Variants in CHL1 observed in about 807,000 individuals in gnomAD.
The protein encoded by CHL1 is cell adhesion molecule L1 like.
Under a neutral mutation model 141.9 loss-of-function variants are expected in CHL1, and 96 were observed. That is an observed-to-expected ratio of 0.68 (90% CI 0.57 to 0.80). CHL1 has a LOEUF of 0.80. Ranked by LOEUF, CHL1 falls within the 30% of genes least tolerant of loss-of-function variation. The pLI is 0.00. For missense variants in CHL1, 1,820 were observed against 1,457.2 expected (o/e 1.25, Z -4.05); for synonymous variants, 613 against 502.2 (o/e 1.22, Z -2.95).
At chr3:382,792 C>G (rs1201853102) in intron 18 of CHL1, 121 bp downstream of exon 18, 2 of 854,066 alleles carry the variant, frequency 2.3e-6, no homozygotes, top group East Asian at 5.3e-5. Context: ...ATAGTGTTAA[C>G]AGTTCTCTAA....
At chr3:369,398 C>T (rs1248798826) in intron 15 of CHL1, among the ~76,000 whole-genome samples, 1 of 151,988 alleles carries the variant, frequency 6.6e-6, no homozygotes, top group Non-Finnish European at 1.5e-5. Context: ...TGGCTCTCTG[C>T]TGGTCTATTG....
intron 1 of CHL1, among the ~76,000 whole-genome samples, chr3:198,549 A>G (rs747714877): frequency 5.3e-5 from 8 of 152,190 alleles, no homozygotes; most frequent in Non-Finnish European, 1.2e-4. Context: ...CCCTTTCTCA[A>G]TAATACGGAG....
chr3:242,475 A>G (rs1421890280), intron 1 of CHL1, among the ~76,000 whole-genome samples: 21 of 151,192 alleles, frequency 1.4e-4, no homozygotes, highest in Middle Eastern at 3.4e-3. Flanking sequence ...GGGCGCCTGT[A>G]GTCCCAGCTA....
intron 2 of CHL1, among the ~76,000 whole-genome samples, chr3:276,399 A>C (rs1405778523): frequency 6.6e-6 from 1 of 152,126 alleles, no homozygotes; most frequent in Non-Finnish European, 1.5e-5. Flanking sequence ...GAAACTGCAG[A>C]GTTTAGCCTG....
intron 1 of CHL1, chr3:198,061 G>C (rs1317052318): frequency 3.3e-6 from 1 of 299,522 alleles, no homozygotes; most frequent in Non-Finnish European, 6.7e-6. Context: ...GAAAAACCAC[G>C]GGCCGGAGGA....
At chr3:301,736 C>G (rs186592278) in intron 2 of CHL1, among the ~76,000 whole-genome samples, 21 of 151,946 alleles carry the variant, frequency 1.4e-4, no homozygotes, top group Non-Finnish European at 3.1e-4. Context: ...AGTCTTTTTC[C>G]GGAAAGAAGA....
At chr3:378,800 G>C (rs997393189) in intron 16 of CHL1, among the ~76,000 whole-genome samples, 2 of 152,252 alleles carry the variant, frequency 1.3e-5, no homozygotes, top group African/African-American at 4.8e-5. Context: ...TGAGGCTCTA[G>C]CAGCTGCATC....
At chr3:288,568 G>A (rs1697380541) in intron 2 of CHL1, among the ~76,000 whole-genome samples, 1 of 152,102 alleles carries the variant, frequency 6.6e-6, no homozygotes, top group South Asian at 2.1e-4. Flanking sequence ...TGATCCCTGG[G>A]CTGCTGTTTC....
intron 2 of CHL1, among the ~76,000 whole-genome samples, chr3:259,870 A>T (rs1439277353): frequency 1.3e-5 from 2 of 152,156 alleles, no homozygotes; most frequent in Admixed American, 1.3e-4. Flanking sequence ...CGTTTAACTT[A>T]CTTTTCTAGT....
At chr3:400,781 G>A (rs142877947) in intron 26 of CHL1, among the ~76,000 whole-genome samples, 417 of 151,664 alleles carry the variant, frequency 2.7e-3, no homozygotes, top group Non-Finnish European at 3.9e-3. Flanking sequence ...CAGCCTGGGC[G>A]ACAGAGTGAG....
intron 2 of CHL1, among the ~76,000 whole-genome samples, chr3:302,185 G>C (rs532074765): frequency 1.3e-5 from 2 of 152,304 alleles, no homozygotes; most frequent in East Asian, 3.9e-4. Flanking sequence ...CTTTGCTATT[G>C]TGAATTGTGC....
At chr3:214,268 C>A (rs1700126529) in intron 1 of CHL1, among the ~76,000 whole-genome samples, 1 of 152,314 alleles carries the variant, frequency 6.6e-6, no homozygotes, top group Non-Finnish European at 1.5e-5. Context: ...ATTCCATCCA[C>A]TGATCCCTTC....
At chr3:330,975 C>G (rs1288255009) in intron 5 of CHL1, among the ~76,000 whole-genome samples, 1 of 152,166 alleles carries the variant, frequency 6.6e-6, no homozygotes, top group Admixed American at 6.6e-5. Context: ...CTCTCTCCCC[C>G]ACTCTCTTTA....
intron 1 of CHL1, among the ~76,000 whole-genome samples, chr3:227,089 T>C (rs777651816): frequency 5.9e-5 from 9 of 152,190 alleles, no homozygotes; most frequent in Non-Finnish European, 1.0e-4. Context: ...TTCAACAGGT[T>C]TAAGAAGCGT....
In CHL1 at chr3:342,969, GT is replaced by G. The variant is rs745831224; in HGVS notation, c.680-8del. On this transcript the variant is annotated splice_polypyrimidine_tract_variant and intron_variant, in intron 7 of 27. Coordinates refer to ENST00000256509, the MANE Select transcript of CHL1 (RefSeq NM_006614.4). ...CATTATGTTTGTGTTTTTTCCTTCC[GT>G]TTTTTTATTTCAGTAAAGCATGCTA... The G allele has an allele frequency of 1.3e-5, 20 of 1,593,522 alleles. No individual in the cohort carries two copies. The highest frequency in any genetic ancestry group is 1.5e-5 in the Non-Finnish European group (18 of 1,172,324).
At chr3:375,709 C>T (rs73814731) in intron 15 of CHL1, among the ~76,000 whole-genome samples, 3,062 of 152,110 alleles carry the variant, frequency 0.02, 65 homozygotes, top group African/African-American at 0.055. Context: ...ATGCACTAAT[C>T]ACTTTATGTG....
chr3:277,742 C>G (rs1696277265), intron 2 of CHL1, among the ~76,000 whole-genome samples: 1 of 152,130 alleles, frequency 6.6e-6, no homozygotes, highest in South Asian at 2.1e-4. Context: ...TTCCATATTT[C>G]CCCCTTTCCC....
intron 2 of CHL1, among the ~76,000 whole-genome samples, chr3:276,140 T>A (rs1286795752): frequency 6.6e-6 from 1 of 152,204 alleles, no homozygotes; most frequent in East Asian, 1.9e-4. Flanking sequence ...TCATGATTAC[T>A]TTTATAATAT....
chr3:344,513 T>C, intron 8 of CHL1, 76 bp from the exon 9 acceptor site: 1 of 1,146,360 alleles, frequency 8.7e-7, no homozygotes, highest in South Asian at 1.4e-5. Context: ...TTTTTTGTTT[T>C]AAGAAAGATG....
Sources: allele counts gnomAD v4.1 joint callset (sites outside exome capture counted in the v4.1 genomes callset), GRCh38; gene constraint gnomAD v4.1.1; transcripts MANE v1.5; gene names NCBI Gene and HGNC (gene_info 2026-07-23, HGNC 2026-07-21).